The following MGAT4C variants were observed in gnomAD, a reference collection of about 807,000 sequenced individuals.
MGAT4C encodes alpha-1,3-mannosyl-glycoprotein 4-beta-N-acetylglucosaminyltransferase C.
MGAT4C carries 19 observed loss-of-function variants against 40.1 expected under a neutral mutation model. The ratio of observed to expected loss-of-function variants is 0.47; its 90% confidence interval spans 0.33 to 0.70. MGAT4C has a LOEUF of 0.70. MGAT4C is among the 30% of genes least tolerant of loss of function. The pLI is 0.02. For missense variants in MGAT4C, 491 were observed against 563.2 expected (o/e 0.87, Z 1.30); for synonymous variants, 181 against 187.1 (o/e 0.97, Z 0.27).
rs890822982 is a variant in MGAT4C at position 86,435,205 on chromosome 12, G to A, written c.-168C>T. The A allele has an allele frequency of 3.3e-5, 5 of 151,890 alleles. No individual in the cohort carries two copies. The South Asian group carries it at 6.2e-4, about 19-fold the overall frequency. The allele number at this position is 151,890 out of a possible 1,614,324, so 9.4% of individuals were successfully genotyped here. On this transcript the variant is annotated 5_prime_UTR_variant, in exon 3 of 8. Coordinates refer to the MGAT4C transcript ENST00000548651. ...TGCTATAGCGTTTTCTGCAGCTCTT[G>A]TTTGAAAGACAGATCCACAGCAGCT... is the stretch of plus-strand genomic sequence containing the variant.
At position 86,384,243 on chromosome 12, in the gene MGAT4C, C is replaced by T. The variant is rs558808459; in HGVS notation, c.-119-50116G>A. On this transcript the variant is annotated intron_variant, in intron 3 of 7. Coordinates refer to the MGAT4C transcript ENST00000548651. The stretch of plus-strand genomic sequence containing the variant: ...TGAAAACTGACTAATACAGTACTCA[C>T]ATGCATCTCCTAAAACCATACTTAA... Among the ~76,000 whole-genome samples the T allele has an allele frequency of 3.9e-5, 6 of 152,296 alleles. No individual in the cohort carries two copies. In the East Asian group the frequency reaches 1.2e-3, roughly 29 times the overall value.
chr12:86,389,788 T>C (rs1956132045), intron 3 of MGAT4C, among the ~76,000 whole-genome samples: 1 of 152,220 alleles, frequency 6.6e-6, no homozygotes, highest in South Asian at 2.1e-4. Context: ...GATGTCAAAA[T>C]TTTACATTAT....
chr12:86,206,381 T>C (rs533345268), intron 1 of MGAT4C, among the ~76,000 whole-genome samples: 2 of 152,300 alleles, frequency 1.3e-5, no homozygotes, highest in East Asian at 3.9e-4. Flanking sequence ...CCAAAGTTTG[T>C]CAGAAATATC....
chr12:86,806,511 A>C (rs953754815), intron 1 of MGAT4C, among the ~76,000 whole-genome samples: 4 of 151,828 alleles, frequency 2.6e-5, no homozygotes, highest in Non-Finnish European at 5.9e-5. Flanking sequence ...GTGTAAGTTC[A>C]TATATACACT....
At chr12:86,178,869 C>G (rs1887782035) in intron 1 of MGAT4C, among the ~76,000 whole-genome samples, 1 of 152,134 alleles carries the variant, frequency 6.6e-6, no homozygotes, top group Non-Finnish European at 1.5e-5. Context: ...TTGACCAATG[C>G]CCCTCAACTC....
At chr12:86,277,560 T>C (rs1953106759) in intron 4 of MGAT4C, among the ~76,000 whole-genome samples, 1 of 152,210 alleles carries the variant, frequency 6.6e-6, no homozygotes, top group Admixed American at 6.5e-5. Flanking sequence ...TCAATTTTGA[T>C]TTCAATTTTG....
intron 2 of MGAT4C, among the ~76,000 whole-genome samples, chr12:86,594,441 G>A (rs1455537220): frequency 6.6e-6 from 1 of 152,192 alleles, no homozygotes; most frequent in Non-Finnish European, 1.5e-5. Flanking sequence ...TTCGCTGGGA[G>A]TGAATCCCTA....
intron 1 of MGAT4C, among the ~76,000 whole-genome samples, chr12:86,073,742 C>G (rs76723078): frequency 0.013 from 1,945 of 152,228 alleles, 17 homozygotes; most frequent in Non-Finnish European, 0.02. Flanking sequence ...ACCCATACCC[C>G]CCATTGTACC....
chr12:86,611,418 A>C (rs1565882634), intron 2 of MGAT4C, among the ~76,000 whole-genome samples: 1 of 151,054 alleles, frequency 6.6e-6, no homozygotes, highest in Non-Finnish European at 1.5e-5. Context: ...GTAGGTAGGT[A>C]GGTAGATAGA....
intron 3 of MGAT4C, among the ~76,000 whole-genome samples, chr12:86,416,083 A>G (rs1241349260): frequency 6.6e-6 from 1 of 152,104 alleles, no homozygotes; most frequent in African/African-American, 2.4e-5. Context: ...ACACATTTGT[A>G]TATAATAGAC....
chr12:86,223,182 C>A (rs1950947626), intron 1 of MGAT4C, among the ~76,000 whole-genome samples: 1 of 152,206 alleles, frequency 6.6e-6, no homozygotes, highest in Non-Finnish European at 1.5e-5. Context: ...CTTCCATGAA[C>A]AAATCCCAGC....
At chr12:86,701,881 G>C (rs1306008352) in intron 2 of MGAT4C, among the ~76,000 whole-genome samples, 1 of 152,048 alleles carries the variant, frequency 6.6e-6, no homozygotes, top group African/African-American at 2.4e-5. Context: ...TAGTGGTCTG[G>C]GTTAGAGGTT....
chr12:86,359,097 T>G (rs1205336901), intron 3 of MGAT4C, among the ~76,000 whole-genome samples: 3 of 152,256 alleles, frequency 2.0e-5, no homozygotes, highest in Admixed American at 2.0e-4. Context: ...CCTCAGTAAA[T>G]GTAAAAGAAC....
chr12:86,219,178 CAAAAAAAGAAAAAAA>C (rs1235136392), intron 1 of MGAT4C, among the ~76,000 whole-genome samples: 1 of 150,866 alleles, frequency 6.6e-6, no homozygotes, highest in Non-Finnish European at 1.5e-5. Flanking sequence ...GACTCCATCT[CAAAAAAAGAAAAAAA>C]GAAAAAAGAA....
intron 1 of MGAT4C, among the ~76,000 whole-genome samples, chr12:86,058,755 G>C (rs1006630495): frequency 2.6e-4 from 39 of 152,022 alleles, no homozygotes; most frequent in Non-Finnish European, 5.4e-4. Context: ...AAAAAAGTAA[G>C]AGTTAATTCA....
intron 1 of MGAT4C, among the ~76,000 whole-genome samples, chr12:86,078,152 A>G (rs1870133863): frequency 6.6e-6 from 1 of 152,136 alleles, no homozygotes; most frequent in Admixed American, 6.5e-5. Context: ...GCTATGGGAG[A>G]AACAATATTA....
intron 1 of MGAT4C, among the ~76,000 whole-genome samples, chr12:86,832,333 T>C (rs188203834): frequency 1.5e-3 from 232 of 151,954 alleles, no homozygotes; most frequent in Non-Finnish European, 2.5e-3. Flanking sequence ...CATGGACTTA[T>C]TTACTTGCAA....
chr12:86,361,811 G>C (rs1276808870), intron 3 of MGAT4C, among the ~76,000 whole-genome samples: 2 of 152,182 alleles, frequency 1.3e-5, no homozygotes, highest in African/African-American at 4.8e-5. Flanking sequence ...AGTTAGAATG[G>C]CGATCATTAA....
At position 86,201,263 on chromosome 12, in the gene MGAT4C, C is replaced by T. The variant is rs548457494; in HGVS notation, c.-57+54976G>A. ...ATTTTTTATATGATGTGAGATTTTGCCATTAAACGATCACAGCAACTTTGT... is the reference window on the plus strand; with the variant it reads ...ATTTTTTATATGATGTGAGATTTTGTCATTAAACGATCACAGCAACTTTGT... On this transcript the variant is annotated intron_variant, in intron 1 of 4. Transcript: ENST00000611864. Among the ~76,000 whole-genome samples, 10 of 151,898 alleles carry T rather than the reference C, an allele frequency of 6.6e-5. No individual in the cohort carries two copies. The South Asian group carries it at 2.1e-3, about 31-fold the overall frequency.
Sources: allele counts gnomAD v4.1 joint callset (sites outside exome capture counted in the v4.1 genomes callset), GRCh38; gene constraint gnomAD v4.1.1; transcripts MANE v1.5; gene names NCBI Gene and HGNC (gene_info 2026-07-23, HGNC 2026-07-21).